DLGAP2: variants seen among roughly 807,000 people sequenced by gnomAD.
The protein encoded by DLGAP2 is DLG associated protein 2, also known as disks large-associated protein 2.
In DLGAP2, 26 loss-of-function variants were observed where a neutral mutation model predicts 100.3. The observed-to-expected ratio is 0.26, with a 90% CI of 0.19 to 0.36. DLGAP2 has a LOEUF of 0.36. Ranked by LOEUF, DLGAP2 falls within the 10% of genes least tolerant of loss-of-function variation. DLGAP2 has a pLI of 1.00. For missense variants in DLGAP2, 1,858 were observed against 1,453.2 expected, an observed-to-expected ratio of 1.28 and a Z score of -4.53; for synonymous variants, 886 against 630.1, an observed-to-expected ratio of 1.41 and a Z score of -6.08.
At chr8:1,364,604 T>G (rs1290954996) in intron 3 of DLGAP2, among the ~76,000 whole-genome samples, 4 of 152,176 alleles carry the variant, frequency 2.6e-5, no homozygotes, top group Non-Finnish European at 5.9e-5. Context: ...GGGGCCGGCG[T>G]GCCGCCTCTT....
chr8:1,266,877 A>G (rs1322791329), intron 3 of DLGAP2, among the ~76,000 whole-genome samples: 1 of 152,096 alleles, frequency 6.6e-6, no homozygotes, highest in African/African-American at 2.4e-5. Context: ...TTGCTCATTA[A>G]TGCGTTATCC....
At chr8:1,208,990 A>G (rs1299908291) in intron 2 of DLGAP2, among the ~76,000 whole-genome samples, 2 of 152,172 alleles carry the variant, frequency 1.3e-5, no homozygotes, top group Non-Finnish European at 2.9e-5. Context: ...CACTGATGAA[A>G]GAAATCATAG....
At chr8:1,360,355 C>T (rs2129653624) in intron 3 of DLGAP2, among the ~76,000 whole-genome samples, 1 of 152,098 alleles carries the variant, frequency 6.6e-6, no homozygotes, top group Non-Finnish European at 1.5e-5. Flanking sequence ...AAATCACCAG[C>T]CCAGGGTGCA....
chr8:752,514 C>T (rs966263057), intron 1 of DLGAP2, among the ~76,000 whole-genome samples: 2 of 152,176 alleles, frequency 1.3e-5, no homozygotes, highest in African/African-American at 4.8e-5. Flanking sequence ...GCACCAGCCG[C>T]CTGGGCTCGG....
intron 1 of DLGAP2, among the ~76,000 whole-genome samples, chr8:797,598 G>A (rs1452061315): frequency 6.6e-6 from 1 of 152,194 alleles, no homozygotes; most frequent in South Asian, 2.1e-4. Flanking sequence ...AGATGTCAAT[G>A]TGAGATGTTG....
At chr8:1,308,592 C>A (rs1237786444) in intron 3 of DLGAP2, among the ~76,000 whole-genome samples, 2 of 152,196 alleles carry the variant, frequency 1.3e-5, no homozygotes, top group African/African-American at 4.8e-5. Context: ...GTGGTGTGAT[C>A]TCAGCTCACT....
chr8:1,103,515 T>G (rs1182005366), intron 2 of DLGAP2, among the ~76,000 whole-genome samples: 1 of 96,122 alleles, frequency 1.0e-5, no homozygotes, highest in East Asian at 3.1e-4. Flanking sequence ...TGGCGGGGCC[T>G]TGGTTGACGG....
chr8:1,341,010 C>T (rs546434461), intron 3 of DLGAP2, among the ~76,000 whole-genome samples: 3 of 152,226 alleles, frequency 2.0e-5, no homozygotes, highest in African/African-American at 7.2e-5. Flanking sequence ...CATGTTCTCA[C>T]CTGTAAGTAG....
chr8:1,298,913 G>C (rs1800260745), intron 3 of DLGAP2, among the ~76,000 whole-genome samples: 1 of 152,028 alleles, frequency 6.6e-6, no homozygotes, highest in Non-Finnish European at 1.5e-5. Context: ...GGAGAACCCG[G>C]GGGGAGAACC....
intron 1 of DLGAP2, among the ~76,000 whole-genome samples, chr8:896,595 G>A (rs997832146): frequency 2.0e-5 from 3 of 152,124 alleles, no homozygotes; most frequent in African/African-American, 4.8e-5. Context: ...CGATGACGGC[G>A]AGGTGTAGTC....
chr8:1,141,275 A>T (rs1435857428), intron 2 of DLGAP2, among the ~76,000 whole-genome samples: 1 of 152,244 alleles, frequency 6.6e-6, no homozygotes, highest in African/African-American at 2.4e-5. Flanking sequence ...TGAAAGTTGA[A>T]TACTTTTTAA....
chr8:1,640,180 C>G (rs1797863296), intron 8 of DLGAP2, among the ~76,000 whole-genome samples: 1 of 152,198 alleles, frequency 6.6e-6, no homozygotes, highest in Non-Finnish European at 1.5e-5. Flanking sequence ...AGGAGTATTA[C>G]ACAAATCCTT....
intron 4 of DLGAP2, among the ~76,000 whole-genome samples, chr8:1,510,059 C>T (rs572087515): frequency 2.1e-4 from 32 of 152,354 alleles, no homozygotes; most frequent in African/African-American, 7.5e-4. Context: ...AAAACACAGA[C>T]TTCTGTAATT....
At chr8:1,565,172 T>C in intron 5 of DLGAP2, among the ~76,000 whole-genome samples, 1 of 152,230 alleles carries the variant, frequency 6.6e-6, no homozygotes, top group East Asian at 1.9e-4. Flanking sequence ...GGCAAGATCC[T>C]TTTGCAACTC....
chr8:773,953 C>T (rs536778584), intron 1 of DLGAP2, among the ~76,000 whole-genome samples: 2 of 152,324 alleles, frequency 1.3e-5, no homozygotes, highest in Admixed American at 6.5e-5. Context: ...AACTAGTTTA[C>T]AGTCCCACTA....
chr8:1,138,507 A>C lies in DLGAP2; in HGVS notation c.74-120344A>C, dbSNP rs535783222. On this transcript the variant is annotated intron_variant, in intron 2 of 14. Coordinates refer to ENST00000637795, the MANE Select transcript of DLGAP2 (RefSeq NM_001346810.2). ...TCCACGGGGCCCTGAAAATGCTTTGAATAGAGCAGGCTGGGGTGGGCTGGC... is the reference window on the plus strand; with the variant it reads ...TCCACGGGGCCCTGAAAATGCTTTGCATAGAGCAGGCTGGGGTGGGCTGGC... Among the ~76,000 whole-genome samples, 6 of 152,296 alleles carry C rather than the reference A, an allele frequency of 3.9e-5. No individual in the cohort carries two copies. The East Asian group carries it at 1.2e-3, about 29-fold the overall frequency.
chr8:1,603,679 C>A lies in DLGAP2; in HGVS notation c.1443-23061C>A, dbSNP rs183914501. On this transcript the variant is annotated intron_variant, in intron 6 of 14. Coordinates refer to ENST00000637795, the MANE Select transcript of DLGAP2 (RefSeq NM_001346810.2). ...ATTCTTTTGGGTTGTGCCAGCAAGG[C>A]CATGACATCTCCTCCACACTGTGAT... Among the ~76,000 whole-genome samples, 41 of 133,362 alleles carry A rather than the reference C, an allele frequency of 3.1e-4. 1 individual carries two copies. In the Admixed American group the frequency reaches 3.3e-3, roughly 11 times the overall value. 87.5% of individuals were successfully genotyped at this position (133,362 alleles called of 152,430 possible).
intron 1 of DLGAP2, among the ~76,000 whole-genome samples, chr8:740,564 A>G (rs1820457649): frequency 6.6e-6 from 1 of 152,222 alleles, no homozygotes; most frequent in Non-Finnish European, 1.5e-5. Context: ...ATTAAATATT[A>G]AAAGCAAAAA....
chr8:1,318,342 C>T (rs562372021), intron 3 of DLGAP2, among the ~76,000 whole-genome samples: 1 of 151,918 alleles, frequency 6.6e-6, no homozygotes, highest in Non-Finnish European at 1.5e-5. Context: ...CTTTACTTTC[C>T]TGGATTTATT....
Sources: allele counts gnomAD v4.1 joint callset (sites outside exome capture counted in the v4.1 genomes callset), GRCh38; gene constraint gnomAD v4.1.1; transcripts MANE v1.5; gene names NCBI Gene and HGNC (gene_info 2026-07-23, HGNC 2026-07-21).